The following CELA3A variants were observed in gnomAD, a reference collection of about 807,000 sequenced individuals.
CELA3A encodes the protein chymotrypsin-like elastase family member 3A.
A neutral mutation model predicts 38.6 loss-of-function variants in CELA3A; 35 were observed. The observed-to-expected ratio is 0.91, with a 90% CI of 0.69 to 1.20. The LOEUF (loss-of-function observed/expected upper bound fraction) is 1.20, where lower values mean the gene tolerates loss of function less well. Among genes scored for constraint, CELA3A ranks in the 50% most tolerant of loss-of-function variants. The pLI is 0.00. For synonymous variants in CELA3A, 143 were observed against 136.7 expected (o/e 1.05, Z -0.32); for missense variants, 343 against 354.2 (o/e 0.97, Z 0.25).
Position 22,007,522 on chromosome 1 carries a change from C to A in CELA3A, c.642+7C>A, listed in dbSNP as rs1250249789. 6.2e-7 allele frequency: 1 copy of A among 1,607,118 alleles called. No homozygotes were observed. Among genetic ancestry groups the A allele is most frequent in the Admixed American group, 1.7e-5 (1 of 59,482 alleles). On this transcript the variant is annotated splice_region_variant and intron_variant, in intron 6 of 7. Transcript: ENST00000290122. ...CATCCGCTCCGGCTGCAACGTGAGT[C>A]AGCTCTTACCTGCCCGAGGTGGTGC...
In CELA3A at chr1:22,009,697, G is replaced by A. The variant is rs779287710; in HGVS notation, c.643-8G>A. ...GCTCAGCCACCCACTCCTCTCTGAC[G>A]GTTCCAGGGTGACTCTGGAGGACCC... is the stretch of plus-strand genomic sequence containing the variant. On this transcript the variant is annotated splice_region_variant and splice_polypyrimidine_tract_variant and intron_variant, in intron 6 of 7. Transcript: ENST00000290122. The A allele has an allele frequency of 7.8e-5, 126 of 1,610,182 alleles. 6 individuals are homozygous for A. The East Asian group carries it at 1.7e-3, about 22-fold the overall frequency.
chr1:22,009,404 G>A (rs1430750414), intron 6 of CELA3A, among the ~76,000 whole-genome samples: 1 of 150,854 alleles, frequency 6.6e-6, no homozygotes, highest in African/African-American at 2.5e-5. Flanking sequence ...AATTAGCCGG[G>A]TGTGGTGGCA....
chr1:22,008,464 GA>G (rs34543555), intron 6 of CELA3A, among the ~76,000 whole-genome samples: 1 of 149,114 alleles, frequency 6.7e-6, no homozygotes, highest in African/African-American at 2.5e-5. Context: ...CCTTGTCTAA[GA>G]AAAAAAAACA....
rs553364345 is a variant in CELA3A, at chr1:22,010,134, T to A, written c.795+277T>A. 19 of 443,812 alleles carry A rather than the reference T, an allele frequency of 4.3e-5. 1 individual carries two copies. In the East Asian group the frequency reaches 9.7e-4, roughly 23 times the overall value. The allele number at this position is 443,812 out of a possible 1,614,324, so 27.5% of individuals were successfully genotyped here. A position where few individuals can be genotyped will look rare whatever the true frequency, so the allele number is the denominator to read the frequency against. On this transcript the variant is annotated intron_variant, in intron 7 of 7. Transcript: ENST00000290122. ...TCTCCTCTGGTCTTGTCCTCTCTTG[T>A]CAGGGAGGATAGAGAGACATGCCAG...
chr1:22,001,945 C>T (rs1353429378), intron 1 of CELA3A, among the ~76,000 whole-genome samples: 1 of 150,956 alleles, frequency 6.6e-6, no homozygotes, highest in Non-Finnish European at 1.5e-5. Flanking sequence ...TGGTGGAAGT[C>T]CTTGATGGGG....
chr1:22,011,976 C>T (rs1644985982), intron 7 of CELA3A, among the ~76,000 whole-genome samples: 1 of 125,678 alleles, frequency 8.0e-6, no homozygotes, highest in African/African-American at 3.3e-5. Context: ...TGGCATGAAC[C>T]CAAGAAGTGG....
chr1:22,005,248 C>T (rs1298383279), intron 2 of CELA3A, among the ~76,000 whole-genome samples, 199 bp from the exon 3 acceptor site: 1 of 151,714 alleles, frequency 6.6e-6, no homozygotes, highest in Non-Finnish European at 1.5e-5. Flanking sequence ...CAGAATGTGA[C>T]CCCCATGGAA....
intron 1 of CELA3A, chr1:22,002,532 G>T (rs1486187823): frequency 4.4e-6 from 2 of 454,928 alleles, no homozygotes; most frequent in African/African-American, 4.1e-5. Flanking sequence ...TTCTAGAGAT[G>T]AGGTCTTGCT....
rs777393712 is a variant in CELA3A, at chr1:22,007,507, G to T, written c.634G>T (p.Gly212Cys). Residue 212 changes from glycine (G) to cysteine (C), a missense_variant, in exon 6 of 8, where the codon GGC becomes TGC. Transcript: ENST00000290122. ...MVCAGGYIRS[G>C]CNGDSGGPLN... ...GTGTGCTGGAGGGTACATCCGCTCCGGCTGCAACGTGAGTCAGCTCTTACC... is the reference window on the plus strand; with the variant it reads ...GTGTGCTGGAGGGTACATCCGCTCCTGCTGCAACGTGAGTCAGCTCTTACC... The T allele has an allele frequency of 6.2e-7, 1 of 1,609,868 alleles. No individual in the cohort carries two copies. Among genetic ancestry groups the T allele is most frequent in the Non-Finnish European group, 8.5e-7 (1 of 1,178,086 alleles).
chr1:22,009,174 GC>G (rs1644968936), intron 6 of CELA3A, among the ~76,000 whole-genome samples: 7 of 151,146 alleles, frequency 4.6e-5, no homozygotes, highest in Admixed American at 4.0e-4. Flanking sequence ...GACCATCCTG[GC>G]TAACACGGTG....
intron 6 of CELA3A, among the ~76,000 whole-genome samples, chr1:22,007,790 G>C (rs1004691331): frequency 4.0e-5 from 6 of 151,316 alleles, no homozygotes; most frequent in African/African-American, 7.3e-5. Flanking sequence ...CACAGCAGGA[G>C]ATACTGGTCC....
rs547053404 is a variant in CELA3A, at chr1:22,010,407, A to G, written c.795+550A>G. On this transcript the variant is annotated intron_variant, in intron 7 of 7. Transcript: ENST00000290122. ...GCAGAGGCAGGTGGATCACGAGGTT[A>G]GGAGTTCAAGACCAGCCTGGCCAAG... Among the ~76,000 whole-genome samples the G allele has an allele frequency of 1.7e-4, 26 of 151,396 alleles. 3 individuals carry two copies. The East Asian group carries it at 5.1e-3, about 30-fold the overall frequency.
At chr1:22,008,583 C>T (rs1282648170) in intron 6 of CELA3A, among the ~76,000 whole-genome samples, 3 of 150,330 alleles carry the variant, frequency 2.0e-5, no homozygotes, top group Admixed American at 2.0e-4. Flanking sequence ...CATGGTGAAA[C>T]CTCGTCTCTA....
chr1:22,005,924 G>A (rs1569869266), intron 4 of CELA3A, 128 bp downstream of exon 4: 2 of 1,555,450 alleles, frequency 1.3e-6, no homozygotes, highest in East Asian at 2.3e-5. Context: ...GGACAGGGGA[G>A]CTGAGTCCAG....
At chr1:22,005,570 T>C (rs1474137019) in intron 3 of CELA3A, 26 bp downstream of exon 3, 1 of 1,612,460 alleles carries the variant, frequency 6.2e-7, no homozygotes, top group South Asian at 1.1e-5. Flanking sequence ...TGTCCCTGCC[T>C]GTGGCCCTGG....
chr1:22,002,892 C>T lies in CELA3A; in HGVS notation c.44-111C>T, dbSNP rs191511892. 13 of 984,044 alleles carry T rather than the reference C, an allele frequency of 1.3e-5. No homozygotes were observed. In the Admixed American group the frequency reaches 2.6e-4, roughly 19 times the overall value. 61.0% of individuals were successfully genotyped at this position (984,044 alleles called of 1,614,324 possible). ...ACTGAGGTCCAGAGGGCGAAAGGGGCTTGCATGGGGTCACACAGCCAGTTG... is the reference window on the plus strand; with the variant it reads ...ACTGAGGTCCAGAGGGCGAAAGGGGTTTGCATGGGGTCACACAGCCAGTTG... On this transcript the variant is annotated intron_variant, in intron 1 of 7. Coordinates refer to ENST00000290122, the MANE Select transcript of CELA3A (RefSeq NM_005747.5).
rs141652575 is a variant in CELA3A at position 22,003,068 on chromosome 1, C to T, written c.109C>T (p.Pro37Ser). The change falls in exon 2 of 8, where the codon CCC becomes TCC. Residue 37 changes from proline (P) to serine (S), a missense_variant. Pro to Ser is a moderately conservative substitution (Grantham distance 74, BLOSUM62 -1). Coordinates refer to ENST00000290122, the MANE Select transcript of CELA3A (RefSeq NM_005747.5). Reference sequence around the variant, plus strand: ...CGTTGTCCATGGTGAGGATGCGGTCCCCTACAGCTGGCCCTGGCAGGTAAG... The same window carrying T: ...CGTTGTCCATGGTGAGGATGCGGTCTCCTACAGCTGGCCCTGGCAGGTAAG... ...SRVVHGEDAV[P>S]YSWPWQVSLQ... 39 of 1,576,532 alleles carry T rather than the reference C, an allele frequency of 2.5e-5. 2 individuals carry two copies. The highest frequency in any genetic ancestry group is 3.3e-5 in the Non-Finnish European group (39 of 1,167,800).
At position 22,006,594 on chromosome 1, in the gene CELA3A, C is replaced by T. The variant is rs1030553625; in HGVS notation, c.363-284C>T. On this transcript the variant is annotated intron_variant, in intron 4 of 7. Coordinates refer to ENST00000290122, the MANE Select transcript of CELA3A (RefSeq NM_005747.5). Reference sequence around the variant, plus strand: ...ACGATTTGGGCCAGGTATAGTGGCTCATGCCTGTAATTCCAGCACTTCAGG... The same window carrying T: ...ACGATTTGGGCCAGGTATAGTGGCTTATGCCTGTAATTCCAGCACTTCAGG... Among the ~76,000 whole-genome samples the T allele has an allele frequency of 4.7e-5, 7 of 150,188 alleles. 1 individual carries two copies. The highest frequency in any genetic ancestry group is 1.0e-4 in the Non-Finnish European group (7 of 67,738).
chr1:22,001,713 C>T lies in CELA3A; in HGVS notation c.39C>T (p.Ala13=), dbSNP rs376285289. The change falls in exon 1 of 8, where the codon GCC becomes GCT. Residue 13 remains alanine (A), a synonymous_variant. Transcript: ENST00000290122. ...LRLLSSLLLV[A]VASGYGPPSS... ...TGCTCAGTTCCCTCCTCCTTGTGGC[C>T]GTTGGTAAGACCCCAACCTGTCTGT... The T allele has an allele frequency of 5.5e-5, 88 of 1,612,180 alleles. 2 individuals are homozygous for T. The South Asian group carries it at 6.3e-4, about 11-fold the overall frequency.
Sources: allele counts gnomAD v4.1 joint callset (sites outside exome capture counted in the v4.1 genomes callset), GRCh38; gene constraint gnomAD v4.1.1; transcripts MANE v1.5; gene names NCBI Gene and HGNC (gene_info 2026-07-23, HGNC 2026-07-21).